Variants in RBM19 observed in about 807,000 individuals in gnomAD.
RBM19 encodes RNA binding motif protein 19.
RBM19 carries 94 observed loss-of-function variants against 116.8 expected under a neutral mutation model. That is an observed-to-expected ratio of 0.80 (90% CI 0.68 to 0.95). The LOEUF is 0.95. Ranked by LOEUF, RBM19 falls within the 40% of genes least tolerant of loss-of-function variation. The pLI, the probability that RBM19 is intolerant of heterozygous loss-of-function variation, is 0.00. For synonymous variants in RBM19, 475 were observed against 494.1 expected, an observed-to-expected ratio of 0.96 and a Z score of 0.51; for missense variants, 1,161 against 1,220.7, an observed-to-expected ratio of 0.95 and a Z score of 0.73.
At chr12:113,873,700 A>AG (rs909871119) in intron 21 of RBM19, among the ~76,000 whole-genome samples, 4 of 151,670 alleles carry the variant, frequency 2.6e-5, no homozygotes, top group African/African-American at 9.7e-5. Context: ...AAAAAAAAAA[A>AG]AAAAAAAGAA....
intron 22 of RBM19, among the ~76,000 whole-genome samples, chr12:113,848,340 C>A (rs965937545): frequency 2.6e-5 from 4 of 152,190 alleles, no homozygotes; most frequent in African/African-American, 9.7e-5. Context: ...CTGCTGAGTT[C>A]TAGTCCCTGC....
intron 21 of RBM19, among the ~76,000 whole-genome samples, chr12:113,887,953 C>T (rs949038684): frequency 6.6e-6 from 1 of 152,090 alleles, no homozygotes; most frequent in African/African-American, 2.4e-5. Flanking sequence ...AACTCGTGGG[C>T]TCAACTGATC....
intron 21 of RBM19, among the ~76,000 whole-genome samples, chr12:113,861,120 C>T: frequency 6.6e-6 from 1 of 152,234 alleles, no homozygotes; most frequent in East Asian, 1.9e-4. Context: ...TGAATCCAGG[C>T]ATGTCTGACG....
At chr12:113,919,549 C>T (rs539772074) in intron 19 of RBM19, among the ~76,000 whole-genome samples, 47 of 152,238 alleles carry the variant, frequency 3.1e-4, no homozygotes, top group South Asian at 1.2e-3. Context: ...CCAGCCTGGG[C>T]GACAGAGTGA....
chr12:113,830,589 G>GGGGGGGGGGGGGGGGGT (rs1565960614), intron 23 of RBM19, among the ~76,000 whole-genome samples: 1 of 73,082 alleles, frequency 1.4e-5, no homozygotes, highest in Non-Finnish European at 2.6e-5. Flanking sequence ...GGGGGGGGGG[G>GGGGGGGGGGGGGGGGGT]TGGGCTATGC....
At chr12:113,841,327 A>G (rs577765363) in intron 23 of RBM19, among the ~76,000 whole-genome samples, 4 of 152,136 alleles carry the variant, frequency 2.6e-5, no homozygotes, top group Non-Finnish European at 5.9e-5. Flanking sequence ...TCTTGGGTTC[A>G]TGGTCCCGAT....
At position 113,825,545 on chromosome 12, in the gene RBM19, C is replaced by G. The variant is rs1185721613; in HGVS notation, c.2786-2224G>C. ...CCCACAGGCGATCACTGACGCCCCT[C>G]CCATCTGCTAATATGAGTTGGGGAT... On this transcript the variant is annotated intron_variant, in intron 23 of 23. Transcript: ENST00000261741. The surrounding 1 kb of genome is among the most constrained non-coding windows in gnomAD (Gnocchi z 5.7). Among the ~76,000 whole-genome samples, 1 of 152,170 alleles carries G rather than the reference C, an allele frequency of 6.6e-6. No individual in the cohort carries two copies. Among genetic ancestry groups the G allele is most frequent in the Admixed American group, 6.5e-5 (1 of 15,282 alleles).
At chr12:113,963,980 C>T (rs540151152) in intron 1 of RBM19, among the ~76,000 whole-genome samples, 16 of 152,328 alleles carry the variant, frequency 1.1e-4, no homozygotes, top group South Asian at 8.3e-4. Context: ...CTTAGATGGA[C>T]GAGATAACCA....
At chr12:113,925,033 T>C (rs16943403) in intron 17 of RBM19, among the ~76,000 whole-genome samples, 18,819 of 152,244 alleles carry the variant, frequency 0.12, 1,403 homozygotes, top group East Asian at 0.17. Flanking sequence ...ATCGGGAAGC[T>C]GGGCCTAAGT....
chr12:113,965,774 C>T (rs1020138035), intron 1 of RBM19, among the ~76,000 whole-genome samples: 1 of 152,110 alleles, frequency 6.6e-6, no homozygotes, highest in African/African-American at 2.4e-5. Flanking sequence ...GGAATTGGAA[C>T]GCAGGTCCGC....
Position 113,851,330 on chromosome 12 carries a change from C to T in RBM19, c.2665-6542G>A, listed in dbSNP as rs541323472. Among the ~76,000 whole-genome samples, 27 of 152,290 alleles carry T rather than the reference C, an allele frequency of 1.8e-4. No individual in the cohort carries two copies. The South Asian group carries it at 3.9e-3, about 22-fold the overall frequency. ...CTAGCTCGCTCAGCTCAGTGCGATT[C>T]GGCTCAAAGTCTCTGGGGAGCTGAT... On this transcript the variant is annotated intron_variant, in intron 22 of 23. Transcript: ENST00000261741.
At chr12:113,838,240 G>T (rs1223674161) in intron 23 of RBM19, among the ~76,000 whole-genome samples, 1 of 152,208 alleles carries the variant, frequency 6.6e-6, no homozygotes, top group Admixed American at 6.5e-5. Flanking sequence ...AGCGTGCATG[G>T]CTTTGGGATG....
At chr12:113,913,819 C>T (rs573029380) in intron 21 of RBM19, among the ~76,000 whole-genome samples, 5 of 152,348 alleles carry the variant, frequency 3.3e-5, no homozygotes, top group South Asian at 2.1e-4. Flanking sequence ...TTCACCCACG[C>T]GCAGGCCATG....
intron 2 of RBM19, among the ~76,000 whole-genome samples, chr12:113,961,953 A>G (rs1872532803): frequency 6.6e-6 from 1 of 152,220 alleles, no homozygotes; most frequent in Non-Finnish European, 1.5e-5. Flanking sequence ...TGGGCCTCAG[A>G]CCAGCAGCAT....
chr12:113,822,816 CG>C lies in RBM19; in HGVS notation c.*407del, dbSNP rs1404616686. On this transcript the variant is annotated 3_prime_UTR_variant, in exon 24 of 24. Coordinates refer to ENST00000261741, the MANE Select transcript of RBM19 (RefSeq NM_016196.4). ...GGGTCTCCCAGCTTGAGCTTGGAGACGGGGTTTCATGTCCAAGCAGCCTGAT... is the reference window on the plus strand; with the variant it reads ...GGGTCTCCCAGCTTGAGCTTGGAGACGGGTTTCATGTCCAAGCAGCCTGAT... The C allele has an allele frequency of 1.2e-5, 2 of 167,074 alleles. No homozygotes were observed. Among genetic ancestry groups the C allele is most frequent in the African/African-American group, 4.8e-5 (2 of 41,756 alleles). The allele number at this position is 167,074 out of a possible 1,614,324, so 10.3% of individuals were successfully genotyped here. A position where few individuals can be genotyped will look rare whatever the true frequency, so the allele number is the denominator to read the frequency against.
chr12:113,905,267 C>T (rs2135833163), intron 21 of RBM19, among the ~76,000 whole-genome samples: 1 of 152,130 alleles, frequency 6.6e-6, no homozygotes, highest in East Asian at 1.9e-4. Flanking sequence ...ACAAATAGAC[C>T]CGGGGAGCAG....
At chr12:113,966,112 C>G in intron 1 of RBM19, 80 bp downstream of exon 1, 1 of 1,578,646 alleles carries the variant, frequency 6.3e-7, no homozygotes, top group Non-Finnish European at 8.7e-7. Context: ...ATTCTTCGAT[C>G]ACCTCCAGGC....
chr12:113,872,809 G>A (rs2135771199), intron 21 of RBM19, among the ~76,000 whole-genome samples: 12 of 88,328 alleles, frequency 1.4e-4, no homozygotes, highest in Non-Finnish European at 2.0e-4. Flanking sequence ...GGGCGCCTCT[G>A]CCCGGCCGCC....
At chr12:113,899,738 C>A (rs897115876) in intron 21 of RBM19, among the ~76,000 whole-genome samples, 1 of 152,162 alleles carries the variant, frequency 6.6e-6, no homozygotes, top group Admixed American at 6.5e-5. Context: ...GAAAACTCTG[C>A]GATGCGTGAG....
Sources: gnomAD v4.1 joint callset for allele counts (sites outside exome capture counted in the v4.1 genomes callset) on GRCh38, gnomAD v4.1.1 for gene constraint, Gnocchi (gnomAD v3.1) non-coding constraint, MANE v1.5 for transcripts, NCBI Gene and HGNC (gene_info 2026-07-23, HGNC 2026-07-21) for gene names.